The following PIEZO1 variants were observed in gnomAD, a reference collection of about 807,000 sequenced individuals.
PIEZO1 encodes piezo-type mechanosensitive ion channel component 1.
PIEZO1 carries 296 observed loss-of-function variants against 297.2 expected under a neutral mutation model. The observed-to-expected ratio is 1.00, with a 90% confidence interval of 0.91 to 1.10. The LOEUF (loss-of-function observed/expected upper bound fraction) is 1.10, where lower values mean the gene tolerates loss of function less well. PIEZO1 is among the 50% of genes least tolerant of loss of function. The probability of loss-of-function intolerance (pLI) is 0.00; values close to 1 mark genes in which losing one functional copy is unlikely to be tolerated. For missense variants in PIEZO1, 5,018 were observed against 3,455.5 expected, an observed-to-expected ratio of 1.45 and a Z score of -11.34; for synonymous variants, 2,427 against 1,507.5, an observed-to-expected ratio of 1.61 and a Z score of -14.13.
chr16:88,775,726 CAAA>C (rs3052234), intron 1 of PIEZO1, among the ~76,000 whole-genome samples: 6 of 98,748 alleles, frequency 6.1e-5, no homozygotes, highest in African/African-American at 1.4e-4. Flanking sequence ...AAGACGCTGT[CAAA>C]AAAAAAAAAA....
chr16:88,776,701 A>C (rs963653161), intron 1 of PIEZO1, among the ~76,000 whole-genome samples: 6 of 152,142 alleles, frequency 3.9e-5, no homozygotes, highest in Admixed American at 2.6e-4. Context: ...AGCAGACGGG[A>C]GTGACCGCAG....
At chr16:88,756,282 GGGTGCCTAGAAGGATCCTAAGA>G (rs1435759431) in intron 1 of PIEZO1, among the ~76,000 whole-genome samples, 1 of 152,216 alleles carries the variant, frequency 6.6e-6, no homozygotes, top group Admixed American at 6.5e-5. Context: ...TGCCCAACCT[GGGTGCCTAGAAGGATCCTAAGA>G]GGCCCCTCCA....
intron 1 of PIEZO1, among the ~76,000 whole-genome samples, chr16:88,780,913 C>G (rs758948131): frequency 6.6e-6 from 1 of 152,210 alleles, no homozygotes; most frequent in Non-Finnish European, 1.5e-5. Context: ...GCCAAAATCA[C>G]GCCGCTACAC....
chr16:88,765,677 T>A (rs2142891569), intron 1 of PIEZO1, among the ~76,000 whole-genome samples: 1 of 151,114 alleles, frequency 6.6e-6, no homozygotes, highest in African/African-American at 2.4e-5. Context: ...AATTTTTTTT[T>A]TTTTTTTTTT....
chr16:88,781,084 G>A (rs983190556), intron 1 of PIEZO1, among the ~76,000 whole-genome samples: 4 of 152,254 alleles, frequency 2.6e-5, no homozygotes, highest in Non-Finnish European at 5.9e-5. Context: ...TGCAAGATGC[G>A]GCTCTCACTG....
At position 88,725,639 on chromosome 16, in the gene PIEZO1, A is replaced by C. The variant is rs4782430; in HGVS notation, c.4014T>G (p.Phe1338Leu). ...GGGACTTCTCCTCTATCCTGCGGTG[A>C]AAGTCAATGCTCTTGAGGTTGGCAG... ...YNAANLKSID[F>L]HRRIEEKSLA... Residue 1338 changes from phenylalanine (F) to leucine (L), a missense_variant, in exon 28 of 51, where the codon TTT becomes TTG. Physicochemically the swap from Phe to Leu is conservative, Grantham distance 22 (BLOSUM62 0). Transcript: ENST00000301015. 1 of 1,549,776 alleles carries C rather than the reference A, an allele frequency of 6.5e-7. No homozygotes were observed. The highest frequency in any genetic ancestry group is 8.7e-7 in the Non-Finnish European group (1 of 1,146,288).
rs1285672206 is a variant in PIEZO1, at chr16:88,741,949, TGA to T, written c.326+102_326+103del. 30 of 1,291,610 alleles carry T rather than the reference TGA, an allele frequency of 2.3e-5. 1 individual carries two copies. Among genetic ancestry groups the T allele is most frequent in the Non-Finnish European group, 3.0e-5 (28 of 935,936 alleles). 80.0% of individuals were successfully genotyped at this position (1,291,610 alleles called of 1,614,324 possible). On this transcript the variant is annotated intron_variant, in intron 4 of 50. Coordinates refer to ENST00000301015, the MANE Select transcript of PIEZO1 (RefSeq NM_001142864.4). ...CTCCAGGTGTGGGTGGGAGTGTGGA[TGA>T]GTCTCCAGGTCCCCCTCTGTCCCTC...
chr16:88,724,204 C>T lies in PIEZO1; in HGVS notation c.4235-233G>A, dbSNP rs114811356. ...GCAGAGTGGGCCGACTGCAGAGGACCGGGGAAAACCCAGGAGGCTGTGTGA... is the reference window on the plus strand; with the variant it reads ...GCAGAGTGGGCCGACTGCAGAGGACTGGGGAAAACCCAGGAGGCTGTGTGA... On this transcript the variant is annotated intron_variant, in intron 30 of 50. Transcript: ENST00000301015. 8.4e-3 allele frequency among the ~76,000 whole-genome samples: 1,274 copies of T among 152,276 alleles called. 21 individuals are homozygous for T. The highest frequency in any genetic ancestry group is 0.028 in the African/African-American group (1,167 of 41,530).
At position 88,776,890 on chromosome 16, in the gene PIEZO1, G is replaced by A. The variant is rs532210225; in HGVS notation, c.64+8011C>T. 2.9e-4 allele frequency among the ~76,000 whole-genome samples: 44 copies of A among 152,336 alleles called. No individual in the cohort carries two copies. In the East Asian group the frequency reaches 6.7e-3, roughly 23 times the overall value. On this transcript the variant is annotated intron_variant, in intron 1 of 50. Coordinates refer to ENST00000301015, the MANE Select transcript of PIEZO1 (RefSeq NM_001142864.4). ...GAATGTGTGTGCTCATTCCCCGCCC[G>A]GCAGGAGATCTGGGCCCGGCTCACT... is the stretch of plus-strand genomic sequence containing the variant.
chr16:88,719,814 A>AAGAGGT lies in PIEZO1; in HGVS notation c.6305_6310dup (p.Leu2103_Phe2104insTyrLeu). ...GACCTGCACTCACCCCTGGAAGAGG[A>AAGAGGT]AGAGGTTGAGATGATTGTACTTCTT... is the stretch of plus-strand genomic sequence containing the variant. On this transcript the variant is annotated inframe_insertion, in exon 43 of 51. Transcript: ENST00000301015. The AAGAGGT allele has an allele frequency of 6.4e-7, 1 of 1,550,476 alleles. No individual in the cohort carries two copies. The highest frequency in any genetic ancestry group is 8.7e-7 in the Non-Finnish European group (1 of 1,146,920).
chr16:88,732,933 G>C (rs1904964602), intron 19 of PIEZO1: 6 of 601,196 alleles, frequency 1.0e-5, no homozygotes, highest in Admixed American at 6.0e-5. Context: ...AGGGGCTGGG[G>C]GAGTGAAGAG....
chr16:88,763,852 G>C (rs983019033), intron 1 of PIEZO1, among the ~76,000 whole-genome samples: 1 of 152,232 alleles, frequency 6.6e-6, no homozygotes. Context: ...TGAAATGAAG[G>C]CTTTGGAAGC....
rs1555553952 is a variant in PIEZO1, at chr16:88,726,660, T to TCAGCAGGGTCAGCGGGGC, written c.3700-18_3700-17insGCCCCGCTGACCCTGCTG. 34 of 1,471,134 alleles carry TCAGCAGGGTCAGCGGGGC rather than the reference T, an allele frequency of 2.3e-5. No individual in the cohort carries two copies. The highest frequency in any genetic ancestry group is 2.2e-5 in the Non-Finnish European group (24 of 1,098,930). The allele number at this position is 1,471,134 out of a possible 1,614,324, so 91.1% of individuals were successfully genotyped here. Reference sequence around the variant, plus strand: ...GGCCAGGAGCTGGGGGAGAGCAGGGTCAGCGGGGCCAGCGGGGCCCCAGGG... The same window carrying TCAGCAGGGTCAGCGGGGC: ...GGCCAGGAGCTGGGGGAGAGCAGGGTCAGCAGGGTCAGCGGGGCCAGCGGGGCCAGCGGGGCCCCAGGG... On this transcript the variant is annotated splice_polypyrimidine_tract_variant and intron_variant, in intron 25 of 50. Transcript: ENST00000301015.
Position 88,738,098 on chromosome 16 carries a change from C to G in PIEZO1, c.856G>C (p.Gly286Arg). The G allele has an allele frequency of 6.5e-7, 1 of 1,535,810 alleles. No homozygotes were observed. The change falls in exon 8 of 51, where the codon GGT becomes CGT. Residue 286 changes from glycine to arginine, a missense_variant. Transcript: ENST00000301015. ...GTGGGACCCACGAAGTCCTTGAGACCCAGCACCCTGTCCAGAGAAGACCCG... is the reference window on the plus strand; with the variant it reads ...GTGGGACCCACGAAGTCCTTGAGACGCAGCACCCTGTCCAGAGAAGACCCG... ...PPAGIWARVL[G>R]LKDFVGPTNC...
rs985377446 is a variant in PIEZO1, at chr16:88,734,026, G to A, written c.2209C>T (p.Leu737=). 1.9e-6 allele frequency: 3 copies of A among 1,543,742 alleles called. No homozygotes were observed. The highest frequency in any genetic ancestry group is 1.2e-5 in the South Asian group (1 of 83,296). ...TGATGCTCCTGCTGCTCCTCCCGCA[G>A]CAGTGGGGTCCCACTCACTGCATCC... ...RQDAVSGTPL[L]REEQQEHQQQ... is the part of the protein sequence containing the mutation. Residue 737 remains leucine (L), a synonymous_variant, in exon 17 of 51, where the codon CTG becomes TTG. Coordinates refer to ENST00000301015, the MANE Select transcript of PIEZO1 (RefSeq NM_001142864.4).
chr16:88,717,348 C>A, intron 44 of PIEZO1, 137 bp from the exon 45 acceptor site: 1 of 716,704 alleles, frequency 1.4e-6, no homozygotes, highest in South Asian at 1.6e-5. Flanking sequence ...TAATGGTGGG[C>A]AGACACAGGC....
intron 1 of PIEZO1, among the ~76,000 whole-genome samples, chr16:88,749,751 GGT>G (rs1239296175): frequency 6.6e-6 from 1 of 152,228 alleles, no homozygotes; most frequent in Non-Finnish European, 1.5e-5. Context: ...TCTTGGGCTG[GGT>G]GCAGTGGTTC....
At position 88,751,152 on chromosome 16, in the gene PIEZO1, C is replaced by T. The variant is rs966466092; in HGVS notation, c.65-1673G>A. 4.6e-5 allele frequency among the ~76,000 whole-genome samples: 7 copies of T among 152,302 alleles called. No homozygotes were observed. In the East Asian group the frequency reaches 1.2e-3, roughly 25 times the overall value. ...GCTCTCACCTTGACACCCACCTGCC[C>T]CTCAGTCCCCAAGACCCGAGCCTCA... On this transcript the variant is annotated intron_variant, in intron 1 of 50. Coordinates refer to ENST00000301015, the MANE Select transcript of PIEZO1 (RefSeq NM_001142864.4).
At position 88,741,516 on chromosome 16, in the gene PIEZO1, C is replaced by T. The variant is rs1187989103; in HGVS notation, c.427G>A (p.Ala143Thr). The T allele has an allele frequency of 7.2e-6, 11 of 1,535,724 alleles. No homozygotes were observed. Among genetic ancestry groups the T allele is most frequent in the South Asian group, 1.2e-5 (1 of 84,050 alleles). The change falls in exon 5 of 51, where the codon GCA becomes ACA. Residue 143 changes from alanine to threonine, a missense_variant. Transcript: ENST00000301015. ...TGTGGGCTCTGCCGGGTGTTCCTTG[C>T]AAGGCGCCCGCAGATGCCGAGGCAG... ...SVCLGICGRL[A>T]RNTRQSPHPR...
Sources: gnomAD v4.1 joint callset for allele counts (sites outside exome capture counted in the v4.1 genomes callset) on GRCh38, gnomAD v4.1.1 for gene constraint, MANE v1.5 for transcripts, NCBI Gene and HGNC (gene_info 2026-07-23, HGNC 2026-07-21) for gene names.